The following TTC39A variants were observed in gnomAD, a reference collection of about 807,000 sequenced individuals.
The protein encoded by TTC39A is tetratricopeptide repeat domain 39A.
TTC39A carries 46 observed loss-of-function variants against 82.3 expected under a neutral mutation model. The ratio of observed to expected loss-of-function variants is 0.56; its 90% CI spans 0.44 to 0.71. The LOEUF (loss-of-function observed/expected upper bound fraction) is 0.71, where lower values mean the gene tolerates loss of function less well. TTC39A is among the 30% of genes least tolerant of loss of function. The pLI is 0.00. For synonymous variants in TTC39A, 254 were observed against 275.2 expected (o/e 0.92, Z 0.76); for missense variants, 543 against 712.9 (o/e 0.76, Z 2.71).
At chr1:51,302,217 G>C in intron 11 of TTC39A, 140 bp downstream of exon 11, 1 of 1,065,142 alleles carries the variant, frequency 9.4e-7, no homozygotes, top group Non-Finnish European at 1.4e-6. Context: ...TCCTGCCCCT[G>C]CTCTCTGGTT....
intron 4 of TTC39A, 133 bp downstream of exon 4, chr1:51,311,986 C>A (rs1645100308): frequency 3.1e-6 from 3 of 974,692 alleles, no homozygotes; most frequent in Non-Finnish European, 4.5e-6. Context: ...CCAGCTCTGA[C>A]CCATGTGTGT....
Position 51,301,383 on chromosome 1 carries a change from G to C in TTC39A, c.1053+189C>G, listed in dbSNP as rs1016109440. 14 of 641,670 alleles carry C rather than the reference G, an allele frequency of 2.2e-5. No individual in the cohort carries two copies. The African/African-American group carries it at 2.4e-4, about 11-fold the overall frequency. The allele number at this position is 641,670 out of a possible 1,614,324, so 39.7% of individuals were successfully genotyped here. A position where few individuals can be genotyped will look rare whatever the true frequency, so the allele number is the denominator to read the frequency against. ...CCTTTGTGACTAGAAATCTCTTTGT[G>C]ACACATTGTGGTTCAGAAGTTTCTC... On this transcript the variant is annotated intron_variant, in intron 12 of 17. Coordinates refer to ENST00000680483, the MANE Select transcript of TTC39A (RefSeq NM_001297663.2).
Position 51,321,735 on chromosome 1 carries a change from G to T in TTC39A, c.132C>A (p.Ser44Arg), listed in dbSNP as rs1439884231. ...TTGAGCCTCACCTGGGCTTGAGGTA[G>T]CTGAGTGCTTCTGAGAACTGGTTGG... is the stretch of plus-strand genomic sequence containing the variant. ...FLTNQFSEAL[S>R]YLKPRTKESM... The change falls in exon 2 of 18, where the codon AGC (serine) becomes AGA (arginine). Residue 44 changes from serine to arginine, a missense_variant. Physicochemically the swap from Ser to Arg is moderately radical, Grantham distance 110. Coordinates refer to ENST00000680483, the MANE Select transcript of TTC39A (RefSeq NM_001297663.2). The surrounding 1 kb of genome is among the most constrained non-coding windows in gnomAD (Gnocchi z 4.6). The T allele has an allele frequency of 1.9e-6, 3 of 1,613,964 alleles. No individual in the cohort carries two copies. The highest frequency in any genetic ancestry group is 2.5e-6 in the Non-Finnish European group (3 of 1,179,866).
chr1:51,302,345 C>A lies in TTC39A; in HGVS notation c.891+12G>T, dbSNP rs1303594039. 1.3e-6 allele frequency: 2 copies of A among 1,596,604 alleles called. No homozygotes were observed. Among genetic ancestry groups the A allele is most frequent in the East Asian group, 2.3e-5 (1 of 44,158 alleles). On this transcript the variant is annotated intron_variant, in intron 11 of 17. Transcript: ENST00000680483. ...GGGATCCCCAGCCCCGGCCCGGACC[C>A]CCATCACTCACTGCATCAATGTTGC...
chr1:51,287,696 C>T lies in TTC39A; in HGVS notation c.*461G>A, dbSNP rs41287284. On this transcript the variant is annotated 3_prime_UTR_variant, in exon 18 of 18. Coordinates refer to ENST00000680483, the MANE Select transcript of TTC39A (RefSeq NM_001297663.2). ...TCCTCAGGTCCTCTGAAGGACCTTC[C>T]GTCACACAAGCTGAGAACTTGCTGA... 5.7e-4 allele frequency: 94 copies of T among 165,676 alleles called. No individual in the cohort carries two copies. Among genetic ancestry groups the T allele is most frequent in the Middle Eastern group, 3.2e-3 (1 of 314 alleles). The allele number at this position is 165,676 out of a possible 1,614,324, so 10.3% of individuals were successfully genotyped here. A position where few individuals can be genotyped will look rare whatever the true frequency, so the allele number is the denominator to read the frequency against.
At chr1:51,337,981 T>A (rs1047254134) in intron 1 of TTC39A, among the ~76,000 whole-genome samples, 1 of 152,228 alleles carries the variant, frequency 6.6e-6, no homozygotes, top group African/African-American at 2.4e-5. Context: ...TAGGGACATG[T>A]GGCTGTGCCC....
At chr1:51,325,162 G>C (rs888559393) in intron 1 of TTC39A, among the ~76,000 whole-genome samples, 1 of 151,662 alleles carries the variant, frequency 6.6e-6, no homozygotes, top group Non-Finnish European at 1.5e-5. Flanking sequence ...GATGAGGCAA[G>C]AGAATCGCTT....
upstream of TTC39A, among the ~76,000 whole-genome samples, chr1:51,333,147 G>A (rs1203040985): frequency 6.6e-6 from 1 of 150,570 alleles, no homozygotes; most frequent in African/African-American, 2.5e-5. Flanking sequence ...GGAAGGCGAA[G>A]GTTGCAGTGA....
rs912593574 is a variant in TTC39A at position 51,296,177 on chromosome 1, G to A, written c.1054-7C>T. 16 of 1,581,916 alleles carry A rather than the reference G, an allele frequency of 1.0e-5. No homozygotes were observed. The highest frequency in any genetic ancestry group is 9.3e-5 in the East Asian group (4 of 43,158). On this transcript the variant is annotated splice_polypyrimidine_tract_variant and splice_region_variant and intron_variant, in intron 12 of 17. Coordinates refer to ENST00000680483, the MANE Select transcript of TTC39A (RefSeq NM_001297663.2). Reference sequence around the variant, plus strand: ...TCATGTAAATGTAGGTGGCCTGTGCGAGACAGAGCAACAGCCAGGTGTGAG... The same window carrying A: ...TCATGTAAATGTAGGTGGCCTGTGCAAGACAGAGCAACAGCCAGGTGTGAG...
In TTC39A at chr1:51,321,721, C is replaced by T. The variant is rs1305636814; in HGVS notation, c.146G>A (p.Arg49Lys). Reference sequence around the variant, plus strand: ...ACCCCAACCGGGGCTTGAGCCTCACCTGGGCTTGAGGTAGCTGAGTGCTTC... The same window carrying T: ...ACCCCAACCGGGGCTTGAGCCTCACTTGGGCTTGAGGTAGCTGAGTGCTTC... ...FSEALSYLKP[R>K]TKESMYHSLT... The change falls in exon 2 of 18, where the codon AGA becomes AAA. Residue 49 changes from arginine to lysine, a missense_variant and splice_region_variant. Physicochemically the swap from Arg to Lys is conservative, Grantham distance 26 (BLOSUM62 2). Transcript: ENST00000680483. The surrounding 1 kb of genome is among the most constrained non-coding windows in gnomAD (Gnocchi z 4.6). 1 of 1,613,772 alleles carries T rather than the reference C, an allele frequency of 6.2e-7. No homozygotes were observed. The highest frequency in any genetic ancestry group is 2.2e-5 in the East Asian group (1 of 44,876).
rs1450783655 is a variant in TTC39A at position 51,296,110 on chromosome 1, G to C, written c.1114C>G (p.Pro372Ala). ...LSMFGKEDHK[P>A]FGDDEVELFR... ...AATTCCACTTCGTCGTCCCCGAACG[G>C]CTTGTGGTCCTCCTTCCCAAACATG... Residue 372 changes from proline to alanine, a missense_variant, in exon 13 of 18, where the codon CCG becomes GCG. Physicochemically the swap from Pro to Ala is conservative, Grantham distance 27. Coordinates refer to ENST00000680483, the MANE Select transcript of TTC39A (RefSeq NM_001297663.2). 1 of 1,598,922 alleles carries C rather than the reference G, an allele frequency of 6.3e-7. No homozygotes were observed. The highest frequency in any genetic ancestry group is 1.3e-5 in the African/African-American group (1 of 74,668).
At chr1:51,333,730 T>TG (rs1021730348), upstream of TTC39A, among the ~76,000 whole-genome samples, 84 of 152,144 alleles carry the variant, frequency 5.5e-4, no homozygotes, top group Middle Eastern at 3.4e-3. Flanking sequence ...TTTGGGGTGG[T>TG]GGGGAGCAGA....
chr1:51,344,900 TCTCAG>T, intron 1 of TTC39A: 1 of 1,452,324 alleles, frequency 6.9e-7, no homozygotes, highest in South Asian at 1.3e-5. Flanking sequence ...CAGCTGTGCC[TCTCAG>T]CTGTTTCCCC....
At chr1:51,325,566 C>T (rs1328895616) in intron 1 of TTC39A, among the ~76,000 whole-genome samples, 2 of 152,088 alleles carry the variant, frequency 1.3e-5, no homozygotes, top group Admixed American at 1.3e-4. Context: ...GGATTATTAC[C>T]CCCCCACACC....
At chr1:51,308,323 T>C (rs1195583665) in intron 6 of TTC39A, among the ~76,000 whole-genome samples, 1 of 148,666 alleles carries the variant, frequency 6.7e-6, no homozygotes, top group East Asian at 2.2e-4. Flanking sequence ...CACTGCAACC[T>C]CCGCCTCCCT....
intron 12 of TTC39A, chr1:51,297,121 G>T (rs1189123539): frequency 6.6e-6 from 1 of 152,276 alleles, no homozygotes; most frequent in Non-Finnish European, 1.5e-5. Context: ...ACCCATGCCG[G>T]GGCCTCAGCC....
chr1:51,303,381 G>C (rs1185755452), intron 8 of TTC39A, among the ~76,000 whole-genome samples, 189 bp from the exon 9 acceptor site: 1 of 152,234 alleles, frequency 6.6e-6, no homozygotes, highest in Non-Finnish European at 1.5e-5. Flanking sequence ...GGGAGAAGGG[G>C]ACACGGCTGC....
chr1:51,340,314 T>A (rs1015240296), intron 1 of TTC39A, among the ~76,000 whole-genome samples: 5 of 152,078 alleles, frequency 3.3e-5, no homozygotes, highest in Admixed American at 6.5e-5. Flanking sequence ...AGGCCACAAC[T>A]CAGGAGAGTG....
intron 5 of TTC39A, 134 bp downstream of exon 5, chr1:51,311,120 C>T (rs1645066561): frequency 1.2e-6 from 1 of 834,192 alleles, no homozygotes; most frequent in African/African-American, 1.7e-5. Context: ...AAGGATGGGA[C>T]ACGATTGCTA....
Sources: allele counts gnomAD v4.1 joint callset (sites outside exome capture counted in the v4.1 genomes callset), GRCh38; gene constraint gnomAD v4.1.1; non-coding constraint Gnocchi (gnomAD v3.1); transcripts MANE v1.5; gene names NCBI Gene and HGNC (gene_info 2026-07-23, HGNC 2026-07-21).